The following TAOK3 variants were observed in gnomAD, a reference collection of about 807,000 sequenced individuals.
TAOK3 encodes the protein TAO kinase 3.
Under a neutral mutation model 120.4 loss-of-function variants are expected in TAOK3, and 40 were observed. The ratio of observed to expected loss-of-function variants is 0.33; its 90% CI spans 0.26 to 0.43. TAOK3 has a LOEUF of 0.43. Ranked by LOEUF, TAOK3 falls within the 20% of genes least tolerant of loss-of-function variation. TAOK3 has a pLI of 1.00. For missense variants in TAOK3, 821 were observed against 1,112.1 expected (o/e 0.74, Z 3.72); for synonymous variants, 355 against 387.5 (o/e 0.92, Z 0.99).
At chr12:118,169,459 GGCGCCCACCACC>G (rs2035859295) in intron 17 of TAOK3, among the ~76,000 whole-genome samples, 1 of 149,772 alleles carries the variant, frequency 6.7e-6, no homozygotes. Flanking sequence ...TGGGATTACA[GGCGCCCACCACC>G]ACGCCTGGCT....
At chr12:118,268,698 A>G (rs1053253584) in intron 1 of TAOK3, among the ~76,000 whole-genome samples, 71 of 152,332 alleles carry the variant, frequency 4.7e-4, no homozygotes, top group African/African-American at 1.5e-3. Flanking sequence ...TATGAACACT[A>G]GTTGCTAAAT....
At chr12:118,174,715 T>G (rs1381944942) in intron 16 of TAOK3, among the ~76,000 whole-genome samples, 1 of 152,070 alleles carries the variant, frequency 6.6e-6, no homozygotes, top group Non-Finnish European at 1.5e-5. Flanking sequence ...CAGGCTGGAG[T>G]GCAGTGGTGT....
At chr12:118,369,388 C>T (rs2045836821) in intron 1 of TAOK3, among the ~76,000 whole-genome samples, 1 of 152,194 alleles carries the variant, frequency 6.6e-6, no homozygotes, top group Admixed American at 6.5e-5. Context: ...CAAAGAATCT[C>T]TCTTTAACGT....
intron 3 of TAOK3, among the ~76,000 whole-genome samples, chr12:118,252,175 A>T (rs1161267184): frequency 1.3e-5 from 2 of 152,320 alleles, no homozygotes; most frequent in East Asian, 3.9e-4. Context: ...GCCAGGAGAG[A>T]TTCTGAGAAG....
intron 16 of TAOK3, among the ~76,000 whole-genome samples, chr12:118,173,660 T>A (rs991092193): frequency 5.3e-5 from 8 of 152,222 alleles, no homozygotes; most frequent in African/African-American, 1.9e-4. Context: ...CCATCTATAT[T>A]TTCCAAGGAC....
chr12:118,215,182 TA>T (rs2038830011), intron 9 of TAOK3, among the ~76,000 whole-genome samples: 2 of 142,694 alleles, frequency 1.4e-5, no homozygotes. Flanking sequence ...CCCAGTCCCA[TA>T]ATGAAACATC....
At chr12:118,269,793 T>G (rs529619725) in intron 1 of TAOK3, among the ~76,000 whole-genome samples, 6 of 152,318 alleles carry the variant, frequency 3.9e-5, no homozygotes, top group African/African-American at 1.4e-4. Flanking sequence ...AGTTTTATCT[T>G]TTCTTTGTTT....
chr12:118,302,744 A>G (rs957980214), intron 1 of TAOK3, among the ~76,000 whole-genome samples: 2 of 152,256 alleles, frequency 1.3e-5, no homozygotes, highest in African/African-American at 4.8e-5. Context: ...TTCAATGCTG[A>G]TAACTGATAA....
At chr12:118,349,408 G>T (rs923059261) in intron 1 of TAOK3, among the ~76,000 whole-genome samples, 6 of 152,148 alleles carry the variant, frequency 3.9e-5, no homozygotes, top group African/African-American at 1.4e-4. Context: ...CAGATATAAT[G>T]AAATATTATT....
At chr12:118,327,448 A>G (rs1281283564) in intron 1 of TAOK3, among the ~76,000 whole-genome samples, 2 of 152,222 alleles carry the variant, frequency 1.3e-5, no homozygotes, top group Non-Finnish European at 1.5e-5. Flanking sequence ...AAGTATATTC[A>G]CTTTGAAAGA....
intron 1 of TAOK3, among the ~76,000 whole-genome samples, chr12:118,303,005 C>T (rs746350133): frequency 2.6e-5 from 4 of 152,138 alleles, no homozygotes; most frequent in Non-Finnish European, 4.4e-5. Flanking sequence ...TAAACACCCA[C>T]CCAAACAATC....
chr12:118,178,616 TC>T (rs935073560), intron 15 of TAOK3, among the ~76,000 whole-genome samples: 2 of 152,016 alleles, frequency 1.3e-5, no homozygotes, highest in African/African-American at 4.8e-5. Flanking sequence ...AGCCACCACA[TC>T]CACCTAATTT....
Position 118,155,271 on chromosome 12 carries a change from C to A in TAOK3, c.2353-2862G>T, listed in dbSNP as rs2034741556. 2.0e-5 allele frequency among the ~76,000 whole-genome samples: 3 copies of A among 152,224 alleles called. No individual in the cohort carries two copies. In the South Asian group the frequency reaches 6.2e-4, roughly 31 times the overall value. ...TCAGCCTCCCAAATTGCTGGGATTA[C>A]AGGCATGAGCCGCTTCGCCCAGCCA... On this transcript the variant is annotated intron_variant, in intron 19 of 20. Coordinates refer to ENST00000392533, the MANE Select transcript of TAOK3 (RefSeq NM_016281.4).
chr12:118,219,741 T>C (rs1033839164), intron 9 of TAOK3, among the ~76,000 whole-genome samples: 3 of 150,130 alleles, frequency 2.0e-5, no homozygotes, highest in Non-Finnish European at 4.4e-5. Flanking sequence ...ATTATAGGCA[T>C]GAGCCATTAA....
chr12:118,233,852 A>G, intron 8 of TAOK3, 87 bp from the exon 9 acceptor site: 1 of 832,014 alleles, frequency 1.2e-6, no homozygotes, highest in South Asian at 1.5e-5. Context: ...GCTGTTCTTA[A>G]GGGTATTCTG....
At chr12:118,190,656 C>G (rs1286422437) in intron 13 of TAOK3, 1 of 152,194 alleles carries the variant, frequency 6.6e-6, no homozygotes, top group East Asian at 1.9e-4. Context: ...GTATGGTCAC[C>G]AGAGTGAGTA....
intron 9 of TAOK3, among the ~76,000 whole-genome samples, chr12:118,229,135 T>C (rs1325420820): frequency 2.0e-5 from 3 of 151,642 alleles, no homozygotes; most frequent in Admixed American, 1.3e-4. Context: ...AGTTTCGATC[T>C]TGTTGCCCAG....
chr12:118,235,427 C>G, intron 8 of TAOK3, 131 bp downstream of exon 8: 1 of 619,304 alleles, frequency 1.6e-6, no homozygotes, highest in Non-Finnish European at 2.9e-6. Flanking sequence ...GGCTTTCTAT[C>G]CTTCTCAAAT....
intron 1 of TAOK3, among the ~76,000 whole-genome samples, chr12:118,299,419 TG>T (rs575497822): frequency 5.2e-4 from 79 of 152,338 alleles, no homozygotes; most frequent in Admixed American, 1.7e-3. Flanking sequence ...TGTTTTGAGA[TG>T]TTTTTTATGG....
Sources: gnomAD v4.1 joint callset for allele counts (sites outside exome capture counted in the v4.1 genomes callset) on GRCh38, gnomAD v4.1.1 for gene constraint, MANE v1.5 for transcripts, NCBI Gene and HGNC (gene_info 2026-07-23, HGNC 2026-07-21) for gene names.